Variants in DOCK3 observed in about 807,000 individuals in gnomAD.
The protein encoded by DOCK3 is dedicator of cytokinesis protein 3.
DOCK3 carries 60 observed loss-of-function variants against 265.6 expected under a neutral mutation model. The observed-to-expected ratio is 0.23, with a 90% confidence interval of 0.18 to 0.28. DOCK3 has a LOEUF of 0.28. Ranked by LOEUF, DOCK3 falls within the 10% of genes least tolerant of loss-of-function variation. The pLI is 1.00. For synonymous variants in DOCK3, 881 were observed against 938.0 expected, an observed-to-expected ratio of 0.94 and a Z score of 1.11; for missense variants, 1,981 against 2,594.3, an observed-to-expected ratio of 0.76 and a Z score of 5.14.
chr3:50,809,399 A>G (rs149309347), intron 2 of DOCK3, among the ~76,000 whole-genome samples: 1 of 152,194 alleles, frequency 6.6e-6, no homozygotes, highest in Non-Finnish European at 1.5e-5. Context: ...TAGAATGTCT[A>G]AGAATTAAAA....
intron 32 of DOCK3, among the ~76,000 whole-genome samples, chr3:51,316,915 AT>A (rs1294310648): frequency 6.6e-6 from 1 of 152,032 alleles, no homozygotes; most frequent in African/African-American, 2.4e-5. Context: ...TTATCTTTTC[AT>A]TTACTAAACA....
At chr3:50,715,572 TG>T (rs2107962018) in intron 1 of DOCK3, among the ~76,000 whole-genome samples, 1 of 150,656 alleles carries the variant, frequency 6.6e-6, no homozygotes, top group South Asian at 2.1e-4. Context: ...GAAAAAAAAA[TG>T]AGTAGGTATT....
chr3:51,043,632 G>A (rs766865410), intron 5 of DOCK3, among the ~76,000 whole-genome samples: 10 of 151,268 alleles, frequency 6.6e-5, no homozygotes, highest in Admixed American at 1.3e-4. Context: ...AAACTGAATG[G>A]GGTAAACAGA....
At chr3:51,244,035 C>T (rs571400562) in intron 21 of DOCK3, among the ~76,000 whole-genome samples, 2 of 152,308 alleles carry the variant, frequency 1.3e-5, no homozygotes, top group African/African-American at 2.4e-5. Context: ...TGAGGCTTTA[C>T]TTCTGGCCTA....
chr3:50,743,591 C>G (rs1163176474), intron 1 of DOCK3, among the ~76,000 whole-genome samples: 6 of 151,762 alleles, frequency 4.0e-5, no homozygotes, highest in Non-Finnish European at 2.9e-5. Flanking sequence ...TCAAAAGAGA[C>G]AAGGCCATTA....
At chr3:51,237,458 A>G in intron 20 of DOCK3, 32 bp from the exon 21 acceptor site, 1 of 1,561,914 alleles carries the variant, frequency 6.4e-7, no homozygotes. Context: ...GCCTCCAGTG[A>G]ACCCTGATGG....
intron 12 of DOCK3, among the ~76,000 whole-genome samples, chr3:51,190,824 T>A (rs1351665206): frequency 5.3e-5 from 8 of 152,062 alleles, no homozygotes; most frequent in Admixed American, 6.6e-5. Context: ...GTCAGGTAGG[T>A]CCACACCCTG....
intron 10 of DOCK3, among the ~76,000 whole-genome samples, chr3:51,154,339 C>T (rs781032545): frequency 8.5e-5 from 13 of 152,112 alleles, no homozygotes; most frequent in Non-Finnish European, 1.9e-4. Context: ...GGAGAAAGAA[C>T]AGGAAGAGCA....
intron 7 of DOCK3, among the ~76,000 whole-genome samples, chr3:51,086,150 G>C (rs946297994): frequency 6.6e-6 from 1 of 152,220 alleles, no homozygotes; most frequent in Non-Finnish European, 1.5e-5. Context: ...TTAACTAAAA[G>C]TATTCCTTAT....
chr3:51,229,065 C>G (rs919384897), intron 18 of DOCK3, among the ~76,000 whole-genome samples: 2 of 152,172 alleles, frequency 1.3e-5, no homozygotes, highest in African/African-American at 2.4e-5. Context: ...TGGCCTTAGA[C>G]TCAGTCTGTG....
intron 1 of DOCK3, among the ~76,000 whole-genome samples, chr3:50,718,341 T>C (rs1013251964): frequency 6.6e-6 from 1 of 152,234 alleles, no homozygotes; most frequent in Non-Finnish European, 1.5e-5. Flanking sequence ...GCTTTTATAC[T>C]TTATTCTCTA....
chr3:50,995,894 T>C (rs1036024482), intron 5 of DOCK3, among the ~76,000 whole-genome samples: 1 of 152,054 alleles, frequency 6.6e-6, no homozygotes, highest in African/African-American at 2.4e-5. Flanking sequence ...ATTGTAGATC[T>C]CCTTTTTGGC....
At chr3:50,980,138 C>T (rs972384298) in intron 5 of DOCK3, among the ~76,000 whole-genome samples, 4 of 152,076 alleles carry the variant, frequency 2.6e-5, no homozygotes, top group African/African-American at 7.2e-5. Flanking sequence ...TCCTTCAATG[C>T]GTAATTTGTT....
chr3:50,816,223 A>G (rs946419067), intron 2 of DOCK3, among the ~76,000 whole-genome samples: 2 of 151,634 alleles, frequency 1.3e-5, no homozygotes, highest in Non-Finnish European at 2.9e-5. Flanking sequence ...TTTGTGTTGA[A>G]TACTCAGTCT....
intron 27 of DOCK3, among the ~76,000 whole-genome samples, chr3:51,295,439 C>T (rs1205329234): frequency 2.0e-5 from 3 of 152,134 alleles, no homozygotes; most frequent in Admixed American, 2.0e-4. Flanking sequence ...CCCTATGGCC[C>T]AAACACCTCC....
chr3:50,844,382 A>AT (rs909819467), intron 3 of DOCK3, among the ~76,000 whole-genome samples: 20 of 149,738 alleles, frequency 1.3e-4, no homozygotes, highest in Admixed American at 4.0e-4. Context: ...CACCTGGCTA[A>AT]TTTTTTTTTT....
intron 10 of DOCK3, among the ~76,000 whole-genome samples, chr3:51,153,076 C>T (rs11717957): frequency 0.015 from 2,360 of 152,352 alleles, 26 homozygotes; most frequent in Non-Finnish European, 0.025. Context: ...GTTTCTGCTG[C>T]CTTTTGTTCA....
At chr3:51,225,846 G>A (rs2090305566) in intron 15 of DOCK3, 73 bp downstream of exon 15, 1 of 1,510,388 alleles carries the variant, frequency 6.6e-7, no homozygotes, top group Non-Finnish European at 8.9e-7. Flanking sequence ...TTATCCAGAG[G>A]CCCATTCTCT....
intron 1 of DOCK3, among the ~76,000 whole-genome samples, chr3:50,750,941 ATTT>A (rs550253166): frequency 6.6e-6 from 1 of 152,010 alleles, no homozygotes; most frequent in Non-Finnish European, 1.5e-5. Context: ...GTGAGCCACA[ATTT>A]TTTTTCTTTT....
Sources: gnomAD v4.1 joint callset for allele counts (sites outside exome capture counted in the v4.1 genomes callset) on GRCh38, gnomAD v4.1.1 for gene constraint, MANE v1.5 for transcripts, NCBI Gene and HGNC (gene_info 2026-07-23, HGNC 2026-07-21) for gene names.